Variants in RPS6KA3 observed in about 807,000 individuals in gnomAD.
The protein encoded by RPS6KA3 is ribosomal protein S6 kinase A3, also known as ribosomal protein S6 kinase alpha-3.
A neutral mutation model predicts 67.2 loss-of-function variants in RPS6KA3; 4 were observed. That is an observed-to-expected ratio of 0.06 (90% CI 0.03 to 0.14). The LOEUF is 0.14. RPS6KA3 is among the 10% of genes least tolerant of loss of function. The pLI, the probability that RPS6KA3 is intolerant of heterozygous loss-of-function variation, is 1.00. For synonymous variants in RPS6KA3, 182 were observed against 183.7 expected (o/e 0.99, Z 0.07); for missense variants, 204 against 559.0 (o/e 0.36, Z 6.40).
At chrX:20,253,150 G>C (rs1389788188) in intron 1 of RPS6KA3, among the ~76,000 whole-genome samples, 1 of 103,763 alleles carries the variant, frequency 9.6e-6, no homozygotes, top group African/African-American at 3.5e-5. Context: ...CTTTTGCTGG[G>C]CAAAGAAATG....
chrX:20,156,684 C>CGT (rs1234565523), intron 20 of RPS6KA3, among the ~76,000 whole-genome samples: 1 of 110,471 alleles, frequency 9.1e-6, no homozygotes, highest in Non-Finnish European at 1.9e-5. Context: ...TACAGGTGTG[C>CGT]GCCACCATGC....
intron 2 of RPS6KA3, 130 bp downstream of exon 2, chrX:20,234,628 G>T: frequency 1.9e-6 from 1 of 516,423 alleles, no homozygotes; most frequent in Non-Finnish European, 3.5e-6. Context: ...ATGTAGTCTG[G>T]TAAAGTTAAT....
intron 2 of RPS6KA3, among the ~76,000 whole-genome samples, chrX:20,222,096 T>C (rs2068999289): frequency 8.9e-6 from 1 of 112,734 alleles, no homozygotes; most frequent in Non-Finnish European, 1.9e-5. Flanking sequence ...GCCTACAAAG[T>C]CTAAGATATT....
intron 4 of RPS6KA3, among the ~76,000 whole-genome samples, chrX:20,201,213 G>A (rs1383154006): frequency 5.4e-5 from 6 of 110,422 alleles, no homozygotes; most frequent in African/African-American, 2.0e-4. Context: ...ACAGCTCACT[G>A]CAACCTCAAA....
intron 10 of RPS6KA3, among the ~76,000 whole-genome samples, chrX:20,178,481 G>GTTTTGT (rs1275740176): frequency 3.6e-5 from 3 of 84,398 alleles, no homozygotes; most frequent in African/African-American, 9.0e-5. Flanking sequence ...AAACAAATCA[G>GTTTTGT]TTTTTTTTTT....
chrX:20,231,676 C>T (rs771080919), intron 2 of RPS6KA3, among the ~76,000 whole-genome samples: 24 of 111,948 alleles, frequency 2.1e-4, no homozygotes, highest in African/African-American at 7.5e-4. Flanking sequence ...TATTTGAAAC[C>T]AGTGTCTTTG....
chrX:20,168,134 C>T (rs1036882422), intron 16 of RPS6KA3, among the ~76,000 whole-genome samples: 6 of 112,075 alleles, frequency 5.4e-5, no homozygotes, highest in Non-Finnish European at 9.4e-5. Flanking sequence ...GCATCATTAG[C>T]AAGAGAAGAC....
chrX:20,161,155 A>T (rs1430769126), intron 20 of RPS6KA3, among the ~76,000 whole-genome samples: 2 of 112,001 alleles, frequency 1.8e-5, no homozygotes, highest in Non-Finnish European at 3.8e-5. Context: ...AATCTGAATT[A>T]AAAATAGAAC....
chrX:20,197,372 TA>T (rs993875289), intron 4 of RPS6KA3, among the ~76,000 whole-genome samples: 3 of 112,300 alleles, frequency 2.7e-5, no homozygotes, highest in African/African-American at 9.7e-5. Context: ...TATCCACTAA[TA>T]AATGCACTGT....
intron 7 of RPS6KA3, among the ~76,000 whole-genome samples, chrX:20,190,010 G>A (rs2148691603): frequency 1.8e-5 from 2 of 110,777 alleles, no homozygotes; most frequent in Admixed American, 1.9e-4. Flanking sequence ...ATTAGGTACT[G>A]TAGAAATCAT....
chrX:20,192,455 A>G (rs978815320), intron 7 of RPS6KA3, among the ~76,000 whole-genome samples: 1 of 109,937 alleles, frequency 9.1e-6, no homozygotes, highest in Non-Finnish European at 1.9e-5. Context: ...ATCTGATCAT[A>G]GAACTGGGGA....
chrX:20,217,737 T>G (rs1182430111), intron 2 of RPS6KA3, among the ~76,000 whole-genome samples: 2 of 111,812 alleles, frequency 1.8e-5, no homozygotes, highest in Non-Finnish European at 3.8e-5. Context: ...TCACCCTTTA[T>G]ATAGATACCT....
At chrX:20,204,931 AAAACAAAC>A (rs752958561) in intron 3 of RPS6KA3, among the ~76,000 whole-genome samples, 1 of 111,568 alleles carries the variant, frequency 9.0e-6, no homozygotes, top group Non-Finnish European at 1.9e-5. Context: ...ATGAAAAGCA[AAAACAAAC>A]AAACAAACAA....
At chrX:20,174,110 T>C (rs539374764) in intron 14 of RPS6KA3, among the ~76,000 whole-genome samples, 1 of 110,867 alleles carries the variant, frequency 9.0e-6, no homozygotes, top group Non-Finnish European at 1.9e-5. Context: ...CAGAGTTGAG[T>C]AGTTGTGACA....
chrX:20,188,837 T>C lies in RPS6KA3; in HGVS notation c.594-303A>G, dbSNP rs779518463. Among the ~76,000 whole-genome samples the C allele has an allele frequency of 2.7e-5, 3 of 113,010 alleles. No individual in the cohort carries two copies. In the East Asian group the frequency reaches 8.3e-4, roughly 31 times the overall value. On this transcript the variant is annotated intron_variant, in intron 7 of 21. Transcript: ENST00000379565. ...TCTTTCTAATGCCTTTCTGCAGACGTAGTTTGACTAAACCCCCTAGTGCCT... is the reference window on the plus strand; with the variant it reads ...TCTTTCTAATGCCTTTCTGCAGACGCAGTTTGACTAAACCCCCTAGTGCCT...
At chrX:20,223,175 A>G (rs1318313397) in intron 2 of RPS6KA3, among the ~76,000 whole-genome samples, 2 of 111,751 alleles carry the variant, frequency 1.8e-5, no homozygotes, top group Non-Finnish European at 3.8e-5. Context: ...CGTAATTTGT[A>G]AATATTTTAT....
At chrX:20,179,495 T>C (rs2067789749) in intron 10 of RPS6KA3, among the ~76,000 whole-genome samples, 1 of 110,594 alleles carries the variant, frequency 9.0e-6, no homozygotes, top group African/African-American at 3.3e-5. Flanking sequence ...AAAAGAACAA[T>C]TAGGGCATTA....
chrX:20,264,234 G>A (rs113654486), intron 1 of RPS6KA3, among the ~76,000 whole-genome samples: 3,240 of 112,254 alleles, frequency 0.029, 109 homozygotes, highest in African/African-American at 0.094. Flanking sequence ...TTTATGCCAG[G>A]ATAGCAAGAA....
intron 2 of RPS6KA3, among the ~76,000 whole-genome samples, chrX:20,217,873 ACTATGTATTAATATATT>A (rs2068895567): frequency 1.8e-5 from 2 of 112,373 alleles, no homozygotes; most frequent in South Asian, 7.3e-4. Context: ...ATGGTGTGAA[ACTATGTATTAATATATT>A]CTAGATTACA....
Sources: allele counts gnomAD v4.1 joint callset (sites outside exome capture counted in the v4.1 genomes callset), GRCh38; gene constraint gnomAD v4.1.1; transcripts MANE v1.5; gene names NCBI Gene and HGNC (gene_info 2026-07-23, HGNC 2026-07-21).